MCUR1: variants seen among roughly 807,000 people sequenced by gnomAD.
The protein encoded by MCUR1 is mitochondrial calcium uniporter regulator 1, also known as MCU regulator 1.
MCUR1 carries 37 observed loss-of-function variants against 42.0 expected under a neutral mutation model. That is an observed-to-expected ratio of 0.88 (90% CI 0.68 to 1.16). The LOEUF is 1.16. MCUR1 is among the 50% of genes most tolerant of loss of function. The probability of loss-of-function intolerance (pLI) is 0.00; values close to 1 mark genes in which losing one functional copy is unlikely to be tolerated. For synonymous variants in MCUR1, 229 were observed against 196.2 expected, an observed-to-expected ratio of 1.17 and a Z score of -1.40; for missense variants, 469 against 468.4, an observed-to-expected ratio of 1.00 and a Z score of -0.01.
chr6:13,803,812 T>A, intron 2 of MCUR1: 3 of 985,418 alleles, frequency 3.0e-6, no homozygotes, highest in South Asian at 9.4e-5. Flanking sequence ...CAAACTAAAC[T>A]TTTGCCAAAT....
At chr6:13,803,775 C>A (rs927715033) in intron 2 of MCUR1, 1 of 985,150 alleles carries the variant, frequency 1.0e-6, no homozygotes, top group African/African-American at 1.7e-5. Context: ...TCTTTTTTCT[C>A]GTCTGTCTTC....
chr6:13,801,052 A>G (rs1759977670), intron 4 of MCUR1, among the ~76,000 whole-genome samples: 1 of 152,204 alleles, frequency 6.6e-6, no homozygotes, highest in Non-Finnish European at 1.5e-5. Context: ...AATAGGCGAA[A>G]CTAGTTAATG....
In MCUR1 at chr6:13,790,667, G is replaced by A. The variant is rs1349546560; in HGVS notation, c.*142C>T. ...GGGGTTTCACCGTGTTGGCCAGGCTGGTCTCGAACTCCTGACCTCAGGTAA... is the reference window on the plus strand; with the variant it reads ...GGGGTTTCACCGTGTTGGCCAGGCTAGTCTCGAACTCCTGACCTCAGGTAA... On this transcript the variant is annotated 3_prime_UTR_variant, in exon 9 of 9. Transcript: ENST00000379170. The A allele has an allele frequency of 1.3e-5, 7 of 523,080 alleles. No individual in the cohort carries two copies. The East Asian group carries it at 2.4e-4, about 18-fold the overall frequency. The allele number at this position is 523,080 out of a possible 1,614,324, so 32.4% of individuals were successfully genotyped here. A position where few individuals can be genotyped will look rare whatever the true frequency, so the allele number is the denominator to read the frequency against.
rs759699139 is a variant in MCUR1 at position 13,801,331 on chromosome 6, A to G, written c.698T>C (p.Ile233Thr). ...GGCTGAAAATTCACTCTTCTCCAAA[A>G]TAATCATATCCTTTTTCACATTCGC... The part of the protein sequence containing the change: ...QIANVKKDMI[I>T]LEKSEFSALR... Residue 233 changes from isoleucine to threonine, a missense_variant, in exon 4 of 9, where the codon ATT (isoleucine) becomes ACT (threonine). Coordinates refer to ENST00000379170, the MANE Select transcript of MCUR1 (RefSeq NM_001031713.4). 3.7e-6 allele frequency: 6 copies of G among 1,613,306 alleles called. No individual in the cohort carries two copies. Among genetic ancestry groups the G allele is most frequent in the Non-Finnish European group, 5.1e-6 (6 of 1,179,896 alleles).
Position 13,799,069 on chromosome 6 carries a change from T to C in MCUR1, c.784-165A>G, listed in dbSNP as rs143708650. 2.6e-3 allele frequency among the ~76,000 whole-genome samples: 392 copies of C among 152,310 alleles called. 1 individual carries two copies. The highest frequency in any genetic ancestry group is 8.9e-3 in the African/African-American group (372 of 41,568). On this transcript the variant is annotated intron_variant, in intron 5 of 8. Coordinates refer to ENST00000379170, the MANE Select transcript of MCUR1 (RefSeq NM_001031713.4). The stretch of plus-strand genomic sequence containing the variant: ...TCCAGAGAAATGGACCTAGGCCTCC[T>C]GGCATCAGGGAACTCTGGCCAAGCC...
chr6:13,795,135 A>AT (rs1759827294), intron 6 of MCUR1, among the ~76,000 whole-genome samples: 3 of 151,606 alleles, frequency 2.0e-5, no homozygotes, highest in Admixed American at 1.3e-4. Flanking sequence ...AAAAAAAAAA[A>AT]GAAAAAAAAG....
chr6:13,791,806 T>C (rs1183373431), intron 8 of MCUR1, 72 bp downstream of exon 8: 1 of 961,424 alleles, frequency 1.0e-6, no homozygotes, highest in African/African-American at 1.7e-5. Context: ...TGAAATGCAG[T>C]ATCTGTCAAC....
chr6:13,790,915 TGAGG>T (rs1759717374), intron 8 of MCUR1, 51 bp from the exon 9 acceptor site: 1 of 1,347,216 alleles, frequency 7.4e-7, no homozygotes, highest in South Asian at 1.3e-5. Context: ...AAGAGTTACT[TGAGG>T]GAACATCTTT....
In MCUR1 at chr6:13,800,394, TAAAAA is replaced by T; in HGVS notation, c.742-17_742-13del. 1 of 1,375,436 alleles carries T rather than the reference TAAAAA, an allele frequency of 7.3e-7. No individual in the cohort carries two copies. Among genetic ancestry groups the T allele is most frequent in the Non-Finnish European group, 1.0e-6 (1 of 987,436 alleles). The allele number at this position is 1,375,436 out of a possible 1,614,324, so 85.2% of individuals were successfully genotyped here. ...TCGAGTTTTATTTTCTAAAAACACATAAAAAAAAAGTCATTAGAAAGAACAACATA... is the reference window on the plus strand; with the variant it reads ...TCGAGTTTTATTTTCTAAAAACACATAAAAGTCATTAGAAAGAACAACATA... On this transcript the variant is annotated splice_polypyrimidine_tract_variant and intron_variant, in intron 4 of 8. Coordinates refer to ENST00000379170, the MANE Select transcript of MCUR1 (RefSeq NM_001031713.4).
Position 13,814,394 on chromosome 6 carries a change from C to T in MCUR1, c.36G>A (p.Gln12=). The change falls in exon 1 of 9, where the codon CAG becomes CAA. Residue 12 remains glutamine (Q), a synonymous_variant. Coordinates refer to ENST00000379170, the MANE Select transcript of MCUR1 (RefSeq NM_001031713.4). ...DCGSVGGQRT[Q]RLPGRQRLLF... ...GAAGCCGCTGGCGGCCGGGCAGGCGCTGGGTCCTCTGGCCGCCGACCGAGC... is the reference window on the plus strand; with the variant it reads ...GAAGCCGCTGGCGGCCGGGCAGGCGTTGGGTCCTCTGGCCGCCGACCGAGC... The T allele has an allele frequency of 6.5e-7, 1 of 1,535,796 alleles. No individual in the cohort carries two copies. The highest frequency in any genetic ancestry group is 1.2e-5 in the South Asian group (1 of 84,050).
chr6:13,801,281 G>T lies in MCUR1; in HGVS notation c.741+7C>A. 1 of 1,586,266 alleles carries T rather than the reference G, an allele frequency of 6.3e-7. No individual in the cohort carries two copies. Reference sequence around the variant, plus strand: ...CAACTTTCTAAGTGTGAGAGGCTCTGTTTTACCTCATTTTCTGCTCTGAGG... The same window carrying T: ...CAACTTTCTAAGTGTGAGAGGCTCTTTTTTACCTCATTTTCTGCTCTGAGG... On this transcript the variant is annotated splice_region_variant and intron_variant, in intron 4 of 8. Coordinates refer to ENST00000379170, the MANE Select transcript of MCUR1 (RefSeq NM_001031713.4).
chr6:13,813,831 G>A (rs1331593107), intron 1 of MCUR1, among the ~76,000 whole-genome samples, 184 bp downstream of exon 1: 1 of 152,168 alleles, frequency 6.6e-6, no homozygotes, highest in East Asian at 1.9e-4. Context: ...GCTAAGCCCC[G>A]CCACCGCGGC....
chr6:13,787,371 G>A lies in MCUR1; in HGVS notation c.*3438C>T, dbSNP rs1759626841. On this transcript the variant is annotated 3_prime_UTR_variant, in exon 9 of 9. Coordinates refer to ENST00000379170, the MANE Select transcript of MCUR1 (RefSeq NM_001031713.4). ...GCTTGGCATACTTAACGGAAAAAGC[G>A]AGTACATTCAGATTTAGTTTTGCTA... 1.3e-5 allele frequency: 2 copies of A among 152,172 alleles called. No homozygotes were observed. Among genetic ancestry groups the A allele is most frequent in the South Asian group, 4.1e-4 (2 of 4,828 alleles). The allele number at this position is 152,172 out of a possible 1,614,324, so 9.4% of individuals were successfully genotyped here.
In MCUR1 at chr6:13,786,750, T is replaced by C. The variant is rs1323606561; in HGVS notation, c.*4059A>G. ...ACACAGAATTAAATATTTTAGATAGTAAGAATCTTACACTTTATTAGATAA... is the reference window on the plus strand; with the variant it reads ...ACACAGAATTAAATATTTTAGATAGCAAGAATCTTACACTTTATTAGATAA... On this transcript the variant is annotated 3_prime_UTR_variant, in exon 9 of 9. Coordinates refer to ENST00000379170, the MANE Select transcript of MCUR1 (RefSeq NM_001031713.4). The C allele has an allele frequency of 6.6e-6, 1 of 152,192 alleles. No homozygotes were observed. The highest frequency in any genetic ancestry group is 1.5e-5 in the Non-Finnish European group (1 of 68,032). The allele number at this position is 152,192 out of a possible 1,614,324, so 9.4% of individuals were successfully genotyped here. A position where few individuals can be genotyped will look rare whatever the true frequency, so the allele number is the denominator to read the frequency against.
rs556879787 is a variant in MCUR1, at chr6:13,800,370, C to G, written c.754G>C (p.Glu252Gln). Residue 252 changes from glutamate to glutamine, a missense_variant, in exon 5 of 9, where the codon GAA becomes CAA. Physicochemically the swap from Glu to Gln is conservative, Grantham distance 29 (BLOSUM62 2). Transcript: ENST00000379170. ...ACTTGTTGTTTTAACTGATGTAGTTCGAGTTTTATTTTCTAAAAACACATA... is the reference window on the plus strand; with the variant it reads ...ACTTGTTGTTTTAACTGATGTAGTTGGAGTTTTATTTTCTAAAAACACATA... ...LRAENEKIKLELHQLKQQVMD... is the reference protein window; with the variant it reads ...LRAENEKIKLQLHQLKQQVMD... The G allele has an allele frequency of 1.3e-6, 2 of 1,558,510 alleles. No homozygotes were observed. The highest frequency in any genetic ancestry group is 1.7e-6 in the Non-Finnish European group (2 of 1,146,054).
chr6:13,811,126 G>A (rs967803541), intron 1 of MCUR1, among the ~76,000 whole-genome samples: 1 of 151,898 alleles, frequency 6.6e-6, no homozygotes, highest in Non-Finnish European at 1.5e-5. Flanking sequence ...ACACTTTATG[G>A]TTCTCTCTGC....
intron 1 of MCUR1, among the ~76,000 whole-genome samples, chr6:13,808,869 C>A (rs1760169059): frequency 6.6e-6 from 1 of 152,136 alleles, no homozygotes; most frequent in Non-Finnish European, 1.5e-5. Context: ...TGTCCTTACG[C>A]CAGTGCCACA....
chr6:13,800,394 T>TAA lies in MCUR1; in HGVS notation c.742-14_742-13dup. Reference sequence around the variant, plus strand: ...TCGAGTTTTATTTTCTAAAAACACATAAAAAAAAAGTCATTAGAAAGAACA... The same window carrying TAA: ...TCGAGTTTTATTTTCTAAAAACACATAAAAAAAAAAAGTCATTAGAAAGAACA... On this transcript the variant is annotated splice_polypyrimidine_tract_variant and intron_variant, in intron 4 of 8. Coordinates refer to ENST00000379170, the MANE Select transcript of MCUR1 (RefSeq NM_001031713.4). 6.5e-6 allele frequency: 9 copies of TAA among 1,375,416 alleles called. No individual in the cohort carries two copies. Among genetic ancestry groups the TAA allele is most frequent in the Non-Finnish European group, 9.1e-6 (9 of 987,420 alleles). 85.2% of individuals were successfully genotyped at this position (1,375,416 alleles called of 1,614,324 possible).
chr6:13,801,537 G>T, intron 3 of MCUR1, 148 bp from the exon 4 acceptor site: 1 of 585,682 alleles, frequency 1.7e-6, no homozygotes. Flanking sequence ...TCCAAAAGGG[G>T]AAAAGGAAAA....
Sources: gnomAD v4.1 joint callset for allele counts (sites outside exome capture counted in the v4.1 genomes callset) on GRCh38, gnomAD v4.1.1 for gene constraint, MANE v1.5 for transcripts, NCBI Gene and HGNC (gene_info 2026-07-23, HGNC 2026-07-21) for gene names.